Variants in MDGA2 observed in about 807,000 individuals in gnomAD.
The protein encoded by MDGA2 is MAM domain containing glycosylphosphatidylinositol anchor 2.
A neutral mutation model predicts 117.8 loss-of-function variants in MDGA2; 40 were observed. That is an observed-to-expected ratio of 0.34 (90% CI 0.26 to 0.44). The LOEUF is 0.44. MDGA2 is among the 20% of genes least tolerant of loss of function. MDGA2 has a pLI of 1.00. For synonymous variants in MDGA2, 452 were observed against 439.0 expected (o/e 1.03, Z -0.37); for missense variants, 1,123 against 1,250.6 (o/e 0.90, Z 1.54).
intron 3 of MDGA2, among the ~76,000 whole-genome samples, chr14:47,172,395 C>T (rs1379607456): frequency 6.6e-6 from 1 of 151,928 alleles, no homozygotes; most frequent in Non-Finnish European, 1.5e-5. Context: ...TGGGAGGCAC[C>T]CCCAAGTAGG....
At chr14:47,469,382 C>T (rs1395890668) in intron 1 of MDGA2, among the ~76,000 whole-genome samples, 1 of 152,122 alleles carries the variant, frequency 6.6e-6, no homozygotes, top group Non-Finnish European at 1.5e-5. Flanking sequence ...TCAGTTCCCA[C>T]CTATGAGTGA....
chr14:47,061,077 G>C (rs1889864429), intron 7 of MDGA2, among the ~76,000 whole-genome samples, 172 bp downstream of exon 7: 1 of 151,878 alleles, frequency 6.6e-6, no homozygotes, highest in African/African-American at 2.4e-5. Flanking sequence ...AATCAAAACT[G>C]ATAAAACAGT....
intron 1 of MDGA2, among the ~76,000 whole-genome samples, chr14:47,353,229 G>A (rs771507601): frequency 1.1e-4 from 16 of 152,146 alleles, no homozygotes; most frequent in Non-Finnish European, 1.6e-4. Context: ...CCAGGGGTGT[G>A]TCTTTTACTA....
intron 1 of MDGA2, among the ~76,000 whole-genome samples, chr14:47,497,527 G>T (rs1894308137): frequency 6.6e-6 from 1 of 151,934 alleles, no homozygotes; most frequent in African/African-American, 2.4e-5. Context: ...TAAAGTGTTG[G>T]GATTACAGGC....
chr14:47,311,002 G>T (rs17740242), intron 1 of MDGA2, among the ~76,000 whole-genome samples: 13,551 of 151,992 alleles, frequency 0.089, 734 homozygotes, highest in Non-Finnish European at 0.11. Flanking sequence ...TATCATGTGG[G>T]CAATGAACTC....
At chr14:47,280,690 A>T (rs72680276) in intron 2 of MDGA2, among the ~76,000 whole-genome samples, 13,804 of 152,002 alleles carry the variant, frequency 0.091, 783 homozygotes, top group Non-Finnish European at 0.11. Flanking sequence ...ATACTAAAAA[A>T]TTGTAAACCG....
At chr14:47,557,827 C>A (rs1161351975) in intron 1 of MDGA2, among the ~76,000 whole-genome samples, 2 of 152,078 alleles carry the variant, frequency 1.3e-5, no homozygotes, top group Non-Finnish European at 2.9e-5. Context: ...TCATCTTTAA[C>A]AAACATTTGA....
intron 2 of MDGA2, among the ~76,000 whole-genome samples, chr14:47,280,433 C>T (rs1183158006): frequency 6.6e-6 from 1 of 151,088 alleles, no homozygotes; most frequent in Non-Finnish European, 1.5e-5. Context: ...TTGTATAACC[C>T]ACGTTATAGT....
intron 10 of MDGA2, among the ~76,000 whole-genome samples, chr14:46,896,228 C>T (rs1362960223): frequency 2.6e-5 from 4 of 151,960 alleles, no homozygotes; most frequent in African/African-American, 9.7e-5. Flanking sequence ...TACTGATGTA[C>T]CATAGCTTTA....
At chr14:47,628,042 G>T (rs1407841140) in intron 1 of MDGA2, among the ~76,000 whole-genome samples, 2 of 152,164 alleles carry the variant, frequency 1.3e-5, no homozygotes, top group East Asian at 3.9e-4. Flanking sequence ...AGTACCACCT[G>T]CCATAGTTTT....
intron 8 of MDGA2, among the ~76,000 whole-genome samples, chr14:46,971,355 C>T (rs1352736860): frequency 2.0e-5 from 3 of 152,056 alleles, no homozygotes; most frequent in African/African-American, 7.2e-5. Context: ...AGCATATGTA[C>T]ACAATGGAGT....
intron 8 of MDGA2, among the ~76,000 whole-genome samples, chr14:47,009,923 C>T (rs1311836829): frequency 2.0e-5 from 3 of 151,976 alleles, no homozygotes; most frequent in Non-Finnish European, 4.4e-5. Context: ...CTATTTCTAG[C>T]CCTCTGAATC....
In MDGA2 at chr14:47,561,158, G is replaced by GTTTTTTTTTT. The variant is rs200625450; in HGVS notation, c.280+113358_280+113359insAAAAAAAAAA. On this transcript the variant is annotated intron_variant, in intron 1 of 16. Coordinates refer to ENST00000399232, the MANE Select transcript of MDGA2 (RefSeq NM_001113498.3). ...CTATCTTTGTTTTTTTTTTTGTTTT[G>GTTTTTTTTTT]TTTTGTTTTTTTGTTTGTTTGTTTT... Among the ~76,000 whole-genome samples the GTTTTTTTTTT allele has an allele frequency of 2.9e-4, 16 of 55,092 alleles. 1 individual carries two copies. The East Asian group carries it at 4.0e-3, about 14-fold the overall frequency. 36.1% of individuals were successfully genotyped at this position (55,092 alleles called of 152,430 possible).
rs1351337528 is a variant in MDGA2, at chr14:47,646,072, T to C, written c.280+28445A>G. ...TCCAGCCTGCGCGACAGAGCAAGACTCCGTCTCAAAAAAAAAAAAAAAAAA... is the reference window on the plus strand; with the variant it reads ...TCCAGCCTGCGCGACAGAGCAAGACCCCGTCTCAAAAAAAAAAAAAAAAAA... On this transcript the variant is annotated intron_variant, in intron 1 of 16. Transcript: ENST00000399232. 3.9e-3 allele frequency among the ~76,000 whole-genome samples: 378 copies of C among 95,748 alleles called. 4 individuals are homozygous for C. Among genetic ancestry groups the C allele is most frequent in the Middle Eastern group, 0.034 (5 of 148 alleles). 62.8% of individuals were successfully genotyped at this position (95,748 alleles called of 152,430 possible). A position where few individuals can be genotyped will look rare whatever the true frequency, so the allele number is the denominator to read the frequency against.
At chr14:47,137,723 A>G (rs1444039664) in intron 4 of MDGA2, among the ~76,000 whole-genome samples, 1 of 152,178 alleles carries the variant, frequency 6.6e-6, no homozygotes, top group Non-Finnish European at 1.5e-5. Flanking sequence ...CACAAAACAC[A>G]GAACACAATA....
intron 2 of MDGA2, among the ~76,000 whole-genome samples, chr14:47,220,788 C>A (rs1886270091): frequency 6.6e-6 from 1 of 152,060 alleles, no homozygotes; most frequent in East Asian, 1.9e-4. Context: ...ACGGAAAGCT[C>A]AAAAACAGTG....
chr14:46,844,423 T>C (rs1409346860), intron 16 of MDGA2, among the ~76,000 whole-genome samples: 1 of 151,766 alleles, frequency 6.6e-6, no homozygotes, highest in Non-Finnish European at 1.5e-5. Flanking sequence ...CTACTAAAAA[T>C]ACAAAAAATT....
chr14:47,301,581 A>G (rs1889287070), intron 1 of MDGA2, 31 bp from the exon 2 acceptor site: 1 of 1,551,046 alleles, frequency 6.4e-7, no homozygotes, highest in African/African-American at 1.4e-5. Flanking sequence ...GAGACAAGAT[A>G]CATGAAAAGG....
chr14:47,122,378 G>T (rs551757995), intron 5 of MDGA2, among the ~76,000 whole-genome samples: 19 of 152,144 alleles, frequency 1.2e-4, no homozygotes, highest in African/African-American at 4.6e-4. Context: ...AGGCTGGATA[G>T]TGGATTTTTT....
Sources: gnomAD v4.1 joint callset for allele counts (sites outside exome capture counted in the v4.1 genomes callset) on GRCh38, gnomAD v4.1.1 for gene constraint, MANE v1.5 for transcripts, NCBI Gene and HGNC (gene_info 2026-07-23, HGNC 2026-07-21) for gene names.